Variants in ATE1 observed in about 807,000 individuals in gnomAD.
ATE1 encodes arginyl-tRNA--protein transferase 1.
ATE1 carries 36 observed loss-of-function variants against 70.5 expected under a neutral mutation model. That is an observed-to-expected ratio of 0.51 (90% CI 0.39 to 0.67). The LOEUF is 0.67. ATE1 is among the 30% of genes least tolerant of loss of function. The pLI is 0.00. For missense variants in ATE1, 593 were observed against 629.5 expected (o/e 0.94, Z 0.62); for synonymous variants, 232 against 219.3 (o/e 1.06, Z -0.51).
intron 11 of ATE1, among the ~76,000 whole-genome samples, chr10:121,748,768 T>G (rs1293172976): frequency 6.6e-6 from 1 of 152,168 alleles, no homozygotes; most frequent in African/African-American, 2.4e-5. Flanking sequence ...CACTTTTTAA[T>G]GTCATACATA....
chr10:121,763,014 G>A (rs560372728), intron 11 of ATE1, among the ~76,000 whole-genome samples: 4 of 152,272 alleles, frequency 2.6e-5, no homozygotes, highest in South Asian at 2.1e-4. Context: ...TGCATATGAC[G>A]TGAGGGCAGG....
chr10:121,899,441 A>G (rs2134286381), intron 7 of ATE1, among the ~76,000 whole-genome samples: 1 of 152,366 alleles, frequency 6.6e-6, no homozygotes, highest in African/African-American at 2.4e-5. Context: ...TAGCACATTA[A>G]TAAAGAATAA....
At chr10:121,777,803 T>C (rs1366406314) in intron 11 of ATE1, among the ~76,000 whole-genome samples, 1 of 152,224 alleles carries the variant, frequency 6.6e-6, no homozygotes, top group Non-Finnish European at 1.5e-5. Flanking sequence ...TGTCTATAAA[T>C]GTAATTCATT....
intron 8 of ATE1, among the ~76,000 whole-genome samples, chr10:121,852,631 A>G (rs968229974): frequency 2.0e-5 from 3 of 152,174 alleles, no homozygotes; most frequent in African/African-American, 7.2e-5. Flanking sequence ...AAATCACTTG[A>G]ACCCGGGAGG....
At chr10:121,918,994 AAAATGGACCAATCAGCACTCTAT>A (rs1951771690) in intron 3 of ATE1, among the ~76,000 whole-genome samples, 1 of 152,076 alleles carries the variant, frequency 6.6e-6, no homozygotes, top group Non-Finnish European at 1.5e-5. Flanking sequence ...AGCACTCTAT[AAAATGGACCAATCAGCACTCTAT>A]AAAATGGACC....
intron 1 of ATE1, among the ~76,000 whole-genome samples, chr10:121,925,939 CTCATGCCTA>C (rs1952071482): frequency 6.6e-6 from 1 of 151,768 alleles, no homozygotes; most frequent in African/African-American, 2.4e-5. Flanking sequence ...GGTGCAGTGG[CTCATGCCTA>C]TAATCCCAGC....
At position 121,742,754 on chromosome 10, in the gene ATE1, C is replaced by A. The variant is rs1944189705; in HGVS notation, c.*926G>T. On this transcript the variant is annotated 3_prime_UTR_variant, in exon 12 of 12. Coordinates refer to ENST00000224652, the MANE Select transcript of ATE1 (RefSeq NM_001001976.3). ...TCCTGGAACAGAGGTCGGAATGATT[C>A]CTTCTTCAATGTGATTTGTGGCATA... 1 of 152,162 alleles carries A rather than the reference C, an allele frequency of 6.6e-6. No individual in the cohort carries two copies. Among genetic ancestry groups the A allele is most frequent in the East Asian group, 1.9e-4 (1 of 5,194 alleles). The allele number at this position is 152,162 out of a possible 1,614,324, so 9.4% of individuals were successfully genotyped here. A position where few individuals can be genotyped will look rare whatever the true frequency, so the allele number is the denominator to read the frequency against.
At chr10:121,923,388 G>A (rs1295151828) in intron 2 of ATE1, among the ~76,000 whole-genome samples, 2 of 152,158 alleles carry the variant, frequency 1.3e-5, no homozygotes, top group African/African-American at 4.8e-5. Context: ...TCACTTGAGT[G>A]TGGGAATTTG....
At chr10:121,907,650 T>G (rs1461619980) in intron 5 of ATE1, among the ~76,000 whole-genome samples, 1 of 151,506 alleles carries the variant, frequency 6.6e-6, no homozygotes, top group African/African-American at 2.4e-5. Context: ...GCGCCTGTAG[T>G]CCCAGCTACT....
In ATE1 at chr10:121,899,887, AGGTG is replaced by A. The variant is rs1167942306; in HGVS notation, c.917_920del (p.Pro306LeufsTer49). ...TGACCTGGCTTTCGGTTGGCGTATC[AGGTG>A]GGTTCTTGTGAATAACCATCTGGTA... On this transcript the variant is annotated frameshift_variant, in exon 7 of 12. Coordinates refer to ENST00000224652, the MANE Select transcript of ATE1 (RefSeq NM_001001976.3). LOFTEE classifies it high-confidence loss of function. The A allele has an allele frequency of 6.2e-7, 1 of 1,612,416 alleles. No homozygotes were observed. The highest frequency in any genetic ancestry group is 8.5e-7 in the Non-Finnish European group (1 of 1,178,984).
intron 10 of ATE1, 64 bp downstream of exon 10, chr10:121,836,654 A>C: frequency 1.6e-5 from 17 of 1,078,256 alleles, no homozygotes; most frequent in Non-Finnish European, 2.2e-5. Flanking sequence ...GCCCTGAGAT[A>C]AAAATTTTAT....
At chr10:121,805,349 T>C (rs1031829556) in intron 10 of ATE1, among the ~76,000 whole-genome samples, 4 of 152,208 alleles carry the variant, frequency 2.6e-5, no homozygotes, top group African/African-American at 4.8e-5. Context: ...TTGGTATTAA[T>C]TGAAGCAACA....
chr10:121,809,340 C>T lies in ATE1; in HGVS notation c.1258-19051G>A, dbSNP rs563522256. The stretch of plus-strand genomic sequence containing the variant: ...AAAAAGCACCCAATGACAAGAGCAG[C>T]TGGTTTACAGTTTAGCATACAACTC... On this transcript the variant is annotated intron_variant, in intron 10 of 11. Transcript: ENST00000224652. Among the ~76,000 whole-genome samples, 15 of 151,738 alleles carry T rather than the reference C, an allele frequency of 9.9e-5. No individual in the cohort carries two copies. The South Asian group carries it at 1.9e-3, about 19-fold the overall frequency.
intron 10 of ATE1, among the ~76,000 whole-genome samples, chr10:121,790,962 A>AGTG (rs1946410212): frequency 6.6e-6 from 1 of 150,878 alleles, no homozygotes; most frequent in African/African-American, 2.4e-5. Context: ...GTATATATAT[A>AGTG]TGTGTGTGTA....
intron 10 of ATE1, among the ~76,000 whole-genome samples, chr10:121,794,435 T>C (rs1946571843): frequency 6.6e-6 from 1 of 151,890 alleles, no homozygotes; most frequent in East Asian, 1.9e-4. Context: ...TGAGACCCCA[T>C]CTCTACAAAA....
intron 11 of ATE1, among the ~76,000 whole-genome samples, chr10:121,783,761 T>A (rs1210938376): frequency 6.6e-6 from 1 of 152,228 alleles, no homozygotes; most frequent in Non-Finnish European, 1.5e-5. Flanking sequence ...GTAACTAACA[T>A]TTATAGACAT....
At chr10:121,798,261 G>A (rs1946736311) in intron 10 of ATE1, among the ~76,000 whole-genome samples, 1 of 152,082 alleles carries the variant, frequency 6.6e-6, no homozygotes, top group Admixed American at 6.6e-5. Context: ...ATCAAGACAG[G>A]GGCTATAAGA....
chr10:121,817,058 T>C (rs1590377190), intron 10 of ATE1, among the ~76,000 whole-genome samples: 2 of 152,260 alleles, frequency 1.3e-5, no homozygotes, highest in East Asian at 1.9e-4. Flanking sequence ...AATAAACTTA[T>C]CTTTCATTAA....
In ATE1 at chr10:121,790,265, G is replaced by C; in HGVS notation, c.1282C>G (p.Leu428Val). ...YKGQYRPSDLLCPETYVWVPI... is the reference protein window; with the variant it reads ...YKGQYRPSDLVCPETYVWVPI... Reference sequence around the variant, plus strand: ...ACCCAAACATATGTCTCAGGGCACAGCAAATCAGAAGGTCTATACTGACCC... The same window carrying C: ...ACCCAAACATATGTCTCAGGGCACACCAAATCAGAAGGTCTATACTGACCC... Residue 428 changes from leucine (L) to valine (V), a missense_variant, in exon 11 of 12, where the codon CTG becomes GTG. Leu to Val is a conservative substitution (Grantham distance 32). Coordinates refer to ENST00000224652, the MANE Select transcript of ATE1 (RefSeq NM_001001976.3). The C allele has an allele frequency of 6.2e-7, 1 of 1,613,992 alleles. No individual in the cohort carries two copies. Among genetic ancestry groups the C allele is most frequent in the Non-Finnish European group, 8.5e-7 (1 of 1,179,942 alleles).
Sources: allele counts gnomAD v4.1 joint callset (sites outside exome capture counted in the v4.1 genomes callset), GRCh38; gene constraint gnomAD v4.1.1; transcripts MANE v1.5; gene names NCBI Gene and HGNC (gene_info 2026-07-23, HGNC 2026-07-21).